GABPB1: variants seen among roughly 807,000 people sequenced by gnomAD.
The protein encoded by GABPB1 is GA binding protein transcription factor subunit beta 1, also known as GA-binding protein subunit beta-1.
In GABPB1, 15 loss-of-function variants were observed where a neutral mutation model predicts 45.9. That is an observed-to-expected ratio of 0.33 (90% CI 0.22 to 0.50). The LOEUF is 0.50. GABPB1 is among the 20% of genes least tolerant of loss of function. The pLI is 0.98. For missense variants in GABPB1, 252 were observed against 457.5 expected, an observed-to-expected ratio of 0.55 and a Z score of 4.10; for synonymous variants, 143 against 154.4, an observed-to-expected ratio of 0.93 and a Z score of 0.55.
At chr15:50,293,668 T>G (rs985129051) in intron 6 of GABPB1, among the ~76,000 whole-genome samples, 1 of 152,232 alleles carries the variant, frequency 6.6e-6, no homozygotes, top group Non-Finnish European at 1.5e-5. Context: ...GTAAATATTT[T>G]AAAGCATAAT....
intron 1 of GABPB1, among the ~76,000 whole-genome samples, chr15:50,326,159 G>A (rs907090842): frequency 4.0e-5 from 6 of 151,530 alleles, no homozygotes; most frequent in Non-Finnish European, 7.4e-5. Flanking sequence ...CACCCACCTC[G>A]GCCTCCCAAA....
At chr15:50,341,659 T>A (rs1355512569) in intron 1 of GABPB1, among the ~76,000 whole-genome samples, 1 of 152,204 alleles carries the variant, frequency 6.6e-6, no homozygotes, top group Non-Finnish European at 1.5e-5. Context: ...AAATGCATCT[T>A]ATGGAATGAA....
At chr15:50,337,874 G>C (rs1312490919) in intron 1 of GABPB1, among the ~76,000 whole-genome samples, 1 of 152,132 alleles carries the variant, frequency 6.6e-6, no homozygotes, top group Non-Finnish European at 1.5e-5. Context: ...TTATTTGCAA[G>C]TATGTGCTTT....
At chr15:50,280,570 G>A (rs2045941364) in intron 8 of GABPB1, among the ~76,000 whole-genome samples, 1 of 151,960 alleles carries the variant, frequency 6.6e-6, no homozygotes, top group Non-Finnish European at 1.5e-5. Flanking sequence ...GGGCAACATG[G>A]CAAAACCCCT....
intron 7 of GABPB1, among the ~76,000 whole-genome samples, chr15:50,287,405 C>T (rs1320407522): frequency 1.3e-5 from 2 of 152,180 alleles, no homozygotes; most frequent in Admixed American, 6.5e-5. Flanking sequence ...TCCTAACCCC[C>T]AGTACCTCAA....
rs572558843 is a variant in GABPB1 at position 50,336,751 on chromosome 15, A to AAT, written c.-1+18232_-1+18233dup. On this transcript the variant is annotated intron_variant, in intron 1 of 8. Coordinates refer to ENST00000380877, the MANE Select transcript of GABPB1 (RefSeq NM_016654.5). ...AGTTAGGTATGTCAAGAATGCATAA[A>AAT]ATATATATCGATATTGGTCTATTTT... Among the ~76,000 whole-genome samples, 10 of 151,858 alleles carry AAT rather than the reference A, an allele frequency of 6.6e-5. No individual in the cohort carries two copies. In the South Asian group the frequency reaches 1.9e-3, roughly 28 times the overall value.
chr15:50,304,268 G>A, intron 2 of GABPB1, 135 bp from the exon 3 acceptor site: 1 of 537,978 alleles, frequency 1.9e-6, no homozygotes, highest in Non-Finnish European at 3.0e-6. Context: ...CTAGATTCAT[G>A]CTTATCACAT....
At chr15:50,289,325 A>C (rs1031138130) in intron 7 of GABPB1, among the ~76,000 whole-genome samples, 158 bp downstream of exon 7, 1 of 152,194 alleles carries the variant, frequency 6.6e-6, no homozygotes, top group African/African-American at 2.4e-5. Flanking sequence ...GGTTATACAA[A>C]TATAACTCAA....
At chr15:50,345,859 T>C (rs1043915097) in intron 1 of GABPB1, among the ~76,000 whole-genome samples, 12 of 151,974 alleles carry the variant, frequency 7.9e-5, no homozygotes, top group African/African-American at 1.7e-4. Flanking sequence ...CTACAGGCGC[T>C]CGCCACCACG....
rs1261200372 is a variant in GABPB1, at chr15:50,277,893, T to C, written c.*739A>G. 3 of 152,482 alleles carry C rather than the reference T, an allele frequency of 2.0e-5. No individual in the cohort carries two copies. The highest frequency in any genetic ancestry group is 7.2e-5 in the African/African-American group (3 of 41,396). 9.4% of individuals were successfully genotyped at this position (152,482 alleles called of 1,614,324 possible). ...ACACTGTCATTCCAATAAAACCAGCTGCCAGCTTACTTCGTTTCAATGACC... is the reference window on the plus strand; with the variant it reads ...ACACTGTCATTCCAATAAAACCAGCCGCCAGCTTACTTCGTTTCAATGACC... On this transcript the variant is annotated 3_prime_UTR_variant, in exon 9 of 9. Coordinates refer to ENST00000380877, the MANE Select transcript of GABPB1 (RefSeq NM_016654.5).
At chr15:50,338,512 C>G (rs953870621) in intron 1 of GABPB1, among the ~76,000 whole-genome samples, 1 of 152,078 alleles carries the variant, frequency 6.6e-6, no homozygotes, top group African/African-American at 2.4e-5. Flanking sequence ...AGAGCTCTGT[C>G]TCCCAGGCTG....
intron 6 of GABPB1, among the ~76,000 whole-genome samples, chr15:50,299,737 T>C (rs1269647155): frequency 1.3e-5 from 2 of 152,156 alleles, no homozygotes; most frequent in Non-Finnish European, 2.9e-5. Flanking sequence ...TACTATTTCC[T>C]AGTTCTATCA....
intron 1 of GABPB1, chr15:50,354,442 G>T: frequency 2.2e-6 from 1 of 448,536 alleles, no homozygotes; most frequent in Non-Finnish European, 4.5e-6. Flanking sequence ...CCGCAGCACA[G>T]GGCGCCCAGG....
At chr15:50,300,620 T>C (rs1041942434) in intron 6 of GABPB1, among the ~76,000 whole-genome samples, 169 bp downstream of exon 6, 1 of 151,874 alleles carries the variant, frequency 6.6e-6, no homozygotes, top group Admixed American at 6.6e-5. Context: ...ATTTTCTGTA[T>C]TTTTAGTAGA....
At chr15:50,317,081 T>C (rs1391859257) in intron 1 of GABPB1, among the ~76,000 whole-genome samples, 1 of 152,066 alleles carries the variant, frequency 6.6e-6, no homozygotes, top group Non-Finnish European at 1.5e-5. Context: ...CTAAGTTGTA[T>C]ATATACCATG....
At chr15:50,282,059 A>G (rs558523690) in intron 8 of GABPB1, among the ~76,000 whole-genome samples, 1 of 152,266 alleles carries the variant, frequency 6.6e-6, no homozygotes, top group East Asian at 1.9e-4. Context: ...TTGGCTGGGC[A>G]TGGTGGTGTA....
At chr15:50,302,905 C>T (rs768253823) in intron 4 of GABPB1, 24 bp downstream of exon 4, 2 of 1,500,662 alleles carry the variant, frequency 1.3e-6, no homozygotes, top group Admixed American at 1.9e-5. Context: ...TCTTTATTTT[C>T]TTAAATTAAA....
chr15:50,320,818 A>G (rs2047543726), intron 1 of GABPB1, among the ~76,000 whole-genome samples: 2 of 152,140 alleles, frequency 1.3e-5, no homozygotes, highest in Non-Finnish European at 2.9e-5. Context: ...AATGAGAGAG[A>G]TTTGAAGATA....
At chr15:50,336,327 G>A (rs1213858421) in intron 1 of GABPB1, among the ~76,000 whole-genome samples, 2 of 143,196 alleles carry the variant, frequency 1.4e-5, no homozygotes, top group African/African-American at 2.6e-5. Flanking sequence ...GCACTCCAGC[G>A]TGGGCAACAG....
Sources: gnomAD v4.1 joint callset for allele counts (sites outside exome capture counted in the v4.1 genomes callset) on GRCh38, gnomAD v4.1.1 for gene constraint, MANE v1.5 for transcripts, NCBI Gene and HGNC (gene_info 2026-07-23, HGNC 2026-07-21) for gene names.